SLC2A9: variants seen among roughly 807,000 people sequenced by gnomAD.
The protein encoded by SLC2A9 is solute carrier family 2, facilitated glucose transporter member 9.
SLC2A9 carries 39 observed loss-of-function variants against 50.6 expected under a neutral mutation model. The ratio of observed to expected loss-of-function variants is 0.77; its 90% CI spans 0.60 to 1.01. SLC2A9 has a LOEUF of 1.01. Ranked by LOEUF, SLC2A9 falls within the 50% of genes least tolerant of loss-of-function variation. The pLI is 0.00. For missense variants in SLC2A9, 686 were observed against 677.6 expected (o/e 1.01, Z -0.14); for synonymous variants, 324 against 276.9 (o/e 1.17, Z -1.69).
chr4:9,941,148 T>C (rs540447821), intron 6 of SLC2A9, among the ~76,000 whole-genome samples: 10 of 152,342 alleles, frequency 6.6e-5, no homozygotes, highest in South Asian at 2.1e-4. Context: ...CATCTCATTT[T>C]ATAAAACTAA....
At chr4:9,937,923 G>A (rs921357662) in intron 6 of SLC2A9, among the ~76,000 whole-genome samples, 3 of 152,162 alleles carry the variant, frequency 2.0e-5, no homozygotes, top group African/African-American at 4.8e-5. Context: ...AAGCATCAGC[G>A]GCCTCCGTTT....
Position 9,903,257 on chromosome 4 carries a change from A to C in SLC2A9, c.1113+4978T>G, listed in dbSNP as rs190437338. ...GAGACTACAGGCAACAGAAACCATA[A>C]GGATTTTTTTTTTTTTTACTACAAG... On this transcript the variant is annotated intron_variant, in intron 8 of 11. Transcript: ENST00000264784. 8.0e-4 allele frequency among the ~76,000 whole-genome samples: 114 copies of C among 141,918 alleles called. 1 individual carries two copies. The highest frequency in any genetic ancestry group is 3.2e-3 in the Admixed American group (46 of 14,404). 93.1% of individuals were successfully genotyped at this position (141,918 alleles called of 152,430 possible).
chr4:9,819,972 A>G (rs2109038277), intron 3 of SLC2A9, among the ~76,000 whole-genome samples: 1 of 152,366 alleles, frequency 6.6e-6, no homozygotes, highest in South Asian at 2.1e-4. Context: ...GTATCTTTCA[A>G]AGAACAAGGT....
chr4:9,938,563 G>A (rs570067584), intron 6 of SLC2A9, among the ~76,000 whole-genome samples: 7 of 152,228 alleles, frequency 4.6e-5, no homozygotes, highest in East Asian at 3.9e-4. Context: ...GAGCCACTGC[G>A]CCTGGCCGAT....
chr4:10,016,364 T>C (rs748406406), intron 2 of SLC2A9, among the ~76,000 whole-genome samples: 1 of 152,106 alleles, frequency 6.6e-6, no homozygotes, highest in Non-Finnish European at 1.5e-5. Context: ...TCGTCATCTG[T>C]AAAATGGGGA....
rs531085767 is a variant in SLC2A9 at position 9,855,200 on chromosome 4, C to A, written c.1292-20192G>T. ...TGTTTGCAGACAATATAATTTTATA[C>A]TTAGAAAACCCCATAGTCTCTGCCA... On this transcript the variant is annotated intron_variant, in intron 10 of 11. Transcript: ENST00000264784. 5.3e-5 allele frequency among the ~76,000 whole-genome samples: 8 copies of A among 152,290 alleles called. No homozygotes were observed. The South Asian group carries it at 1.2e-3, about 24-fold the overall frequency.
At chr4:9,800,378 G>C (rs1364948223) in intron 3 of SLC2A9, among the ~76,000 whole-genome samples, 2 of 152,182 alleles carry the variant, frequency 1.3e-5, no homozygotes, top group Non-Finnish European at 2.9e-5. Context: ...GAGTATGGTG[G>C]ACCCCTAATC....
At chr4:9,835,587 G>A (rs964858171) in intron 10 of SLC2A9, among the ~76,000 whole-genome samples, 8 of 152,362 alleles carry the variant, frequency 5.3e-5, no homozygotes, top group African/African-American at 1.9e-4. Context: ...GGCATTCATT[G>A]TGTCAACATC....
Position 9,980,587 on chromosome 4 carries a change from C to G in SLC2A9, c.681+5G>C, listed in dbSNP as rs746693429. 1 of 1,614,144 alleles carries G rather than the reference C, an allele frequency of 6.2e-7. No individual in the cohort carries two copies. Among genetic ancestry groups the G allele is most frequent in the Non-Finnish European group, 8.5e-7 (1 of 1,180,016 alleles). On this transcript the variant is annotated splice_donor_5th_base_variant and intron_variant, in intron 5 of 11. Transcript: ENST00000264784. ...AGATGCGGTTGACCAGGGAGCCACA[C>G]TCACCTTTCCCAGCAGCTCGGGCAG...
intron 5 of SLC2A9, among the ~76,000 whole-genome samples, chr4:9,954,283 C>A (rs1272164574): frequency 6.6e-6 from 1 of 152,262 alleles, no homozygotes; most frequent in Non-Finnish European, 1.5e-5. Flanking sequence ...GTCACTGTTA[C>A]CATTTCACAC....
chr4:9,812,868 G>C (rs985361471), intron 3 of SLC2A9, among the ~76,000 whole-genome samples: 6 of 152,150 alleles, frequency 3.9e-5, no homozygotes, highest in South Asian at 2.1e-4. Flanking sequence ...GATTTAATGA[G>C]AGGAAATTTA....
At chr4:9,872,712 A>T (rs546684825) in intron 10 of SLC2A9, among the ~76,000 whole-genome samples, 1 of 150,652 alleles carries the variant, frequency 6.6e-6, no homozygotes, top group South Asian at 2.1e-4. Flanking sequence ...AGGGAACTGA[A>T]GCAGAAGGAA....
At chr4:9,860,568 T>C (rs189401654) in intron 10 of SLC2A9, among the ~76,000 whole-genome samples, 2 of 152,356 alleles carry the variant, frequency 1.3e-5, no homozygotes, top group East Asian at 3.9e-4. Context: ...GACTTTGAAC[T>C]TGGCTTCAAG....
At chr4:10,004,281 C>T (rs1212282862) in intron 2 of SLC2A9, among the ~76,000 whole-genome samples, 3 of 152,130 alleles carry the variant, frequency 2.0e-5, no homozygotes, top group Non-Finnish European at 4.4e-5. Flanking sequence ...CACAGCCATG[C>T]CAAAGATGGT....
At chr4:9,886,038 CATGTGTGTGTGAGTGTATATAGTAA>C (rs1238622828) in intron 10 of SLC2A9, among the ~76,000 whole-genome samples, 4 of 152,170 alleles carry the variant, frequency 2.6e-5, no homozygotes, top group African/African-American at 4.8e-5. Flanking sequence ...GGTAGGTGTG[CATGTGTGTGTGAGTGTATATAGTAA>C]ATGTGTGTGT....
rs753296791 is a variant in SLC2A9 at position 9,783,213 on chromosome 4, C to T, written n.386-3148G>A. ...GTGAACATCAGCAATGAGCTCATCT[C>T]CTACAACCAAGACATCGTCTTCCAC... On this transcript the variant is annotated intron_variant and non_coding_transcript_variant, in intron 3 of 3. Transcript: ENST00000503803. 92 of 1,614,094 alleles carry T rather than the reference C, an allele frequency of 5.7e-5. No homozygotes were observed. In the Admixed American group the frequency reaches 1.5e-3, roughly 26 times the overall value.
chr4:9,836,088 CAAAAA>C lies in SLC2A9; in HGVS notation c.1292-1085_1292-1081del, dbSNP rs35303241. Among the ~76,000 whole-genome samples, 11 of 48,218 alleles carry C rather than the reference CAAAAA, an allele frequency of 2.3e-4. No individual in the cohort carries two copies. In the East Asian group the frequency reaches 6.5e-3, roughly 28 times the overall value. 31.6% of individuals were successfully genotyped at this position (48,218 alleles called of 152,430 possible). On this transcript the variant is annotated intron_variant, in intron 10 of 11. Coordinates refer to ENST00000264784, the MANE Select transcript of SLC2A9 (RefSeq NM_020041.3). ...GGGCAACAAGAGTGAAACTCCCTCT[CAAAAA>C]AAAAAAAAAAAAAAAAAAGATAAAA... is the stretch of plus-strand genomic sequence containing the variant.
chr4:9,991,178 C>G (rs1025961773), intron 3 of SLC2A9, among the ~76,000 whole-genome samples: 2 of 152,186 alleles, frequency 1.3e-5, no homozygotes, highest in Non-Finnish European at 2.9e-5. Context: ...CCTTGCCTGG[C>G]TCCTTCCCCT....
intron 8 of SLC2A9, among the ~76,000 whole-genome samples, chr4:9,891,240 G>C (rs1014857063): frequency 1.3e-5 from 2 of 152,172 alleles, no homozygotes; most frequent in South Asian, 4.1e-4. Flanking sequence ...CCCTAAAGCT[G>C]TGTCCTCGAA....
Sources: gnomAD v4.1 joint callset for allele counts (sites outside exome capture counted in the v4.1 genomes callset) on GRCh38, gnomAD v4.1.1 for gene constraint, MANE v1.5 for transcripts, NCBI Gene and HGNC (gene_info 2026-07-23, HGNC 2026-07-21) for gene names.